RAPGEF5: variants seen among roughly 807,000 people sequenced by gnomAD.
RAPGEF5 encodes the protein M-Ras-regulated GEF.
In RAPGEF5, 65 loss-of-function variants were observed where a neutral mutation model predicts 125.2. The observed-to-expected ratio is 0.52, with a 90% CI of 0.43 to 0.64. The LOEUF (loss-of-function observed/expected upper bound fraction) is 0.64. Among genes scored for constraint, RAPGEF5 ranks in the 30% least tolerant of loss-of-function variants. RAPGEF5 has a pLI of 0.00. For missense variants in RAPGEF5, 958 were observed against 1,048.1 expected, an observed-to-expected ratio of 0.91 and a Z score of 1.19; for synonymous variants, 391 against 385.9, an observed-to-expected ratio of 1.01 and a Z score of -0.16.
chr7:22,311,166 C>T (rs1426146069), intron 3 of RAPGEF5, among the ~76,000 whole-genome samples: 1 of 152,084 alleles, frequency 6.6e-6, no homozygotes. Context: ...GCTAGGAGTA[C>T]AGGTGCTCAC....
At chr7:22,223,246 T>C (rs1583494589) in intron 8 of RAPGEF5, among the ~76,000 whole-genome samples, 1 of 151,678 alleles carries the variant, frequency 6.6e-6, no homozygotes, top group Non-Finnish European at 1.5e-5. Flanking sequence ...ATCTGGAGAG[T>C]AGTGAAGCTG....
At chr7:22,138,240 A>G (rs2128102659) in intron 21 of RAPGEF5, among the ~76,000 whole-genome samples, 1 of 152,306 alleles carries the variant, frequency 6.6e-6, no homozygotes. Flanking sequence ...TCAGCCATGG[A>G]ACAAATCTAG....
At position 22,273,875 on chromosome 7, in the gene RAPGEF5, T is replaced by G. The variant is rs1436115855; in HGVS notation, c.748-6863A>C. Among the ~76,000 whole-genome samples the G allele has an allele frequency of 2.0e-4, 31 of 152,224 alleles. 1 individual carries two copies. ...AATGGACTCCAGAAAGATCAACATC[T>G]GGATTGCATTTGGTTTTGTTAAGGT... On this transcript the variant is annotated intron_variant, in intron 6 of 25. Coordinates refer to ENST00000665637, the MANE Select transcript of RAPGEF5 (RefSeq NM_012294.5).
chr7:22,229,994 C>T (rs928938877), intron 8 of RAPGEF5, among the ~76,000 whole-genome samples: 1 of 152,150 alleles, frequency 6.6e-6, no homozygotes, highest in Non-Finnish European at 1.5e-5. Flanking sequence ...TCTGTGTATC[C>T]TTTTGAGAAA....
chr7:22,238,111 G>A (rs1786238962), intron 7 of RAPGEF5, among the ~76,000 whole-genome samples: 1 of 152,136 alleles, frequency 6.6e-6, no homozygotes. Flanking sequence ...CTCTGGTAGA[G>A]GTCCTGGCAA....
intron 7 of RAPGEF5, among the ~76,000 whole-genome samples, chr7:22,251,796 A>AAAAAAAAAAAC (rs1786629263): frequency 6.6e-6 from 1 of 151,004 alleles, no homozygotes; most frequent in African/African-American, 2.4e-5. Flanking sequence ...AAAAAAAAAA[A>AAAAAAAAAAAC]AAAGTGGAGG....
At chr7:22,198,397 T>A (rs1785201891) in intron 9 of RAPGEF5, among the ~76,000 whole-genome samples, 1 of 152,174 alleles carries the variant, frequency 6.6e-6, no homozygotes, top group African/African-American at 2.4e-5. Context: ...CTGGACAATG[T>A]CAAAGCTAGG....
intron 13 of RAPGEF5, 95 bp from the exon 14 acceptor site, chr7:22,160,710 G>T: frequency 2.9e-6 from 4 of 1,357,294 alleles, no homozygotes; most frequent in Non-Finnish European, 3.8e-6. Flanking sequence ...AGGAAATAAG[G>T]AGGGATTCAG....
chr7:22,301,559 A>G (rs535630498), intron 5 of RAPGEF5, among the ~76,000 whole-genome samples: 25 of 149,928 alleles, frequency 1.7e-4, no homozygotes, highest in East Asian at 1.2e-3. Context: ...AGCTTGCAGT[A>G]AGCCGAGATC....
intron 7 of RAPGEF5, among the ~76,000 whole-genome samples, chr7:22,260,067 A>C (rs1415881446): frequency 6.6e-6 from 1 of 152,174 alleles, no homozygotes; most frequent in Non-Finnish European, 1.5e-5. Context: ...CAGTCTGGGC[A>C]ACAAGAGCAA....
At chr7:22,247,134 T>A (rs1228713251) in intron 7 of RAPGEF5, among the ~76,000 whole-genome samples, 1 of 152,202 alleles carries the variant, frequency 6.6e-6, no homozygotes, top group Non-Finnish European at 1.5e-5. Flanking sequence ...TTGGTGAGAA[T>A]ACAAATTAGT....
chr7:22,189,918 G>A (rs1470817274), intron 11 of RAPGEF5, among the ~76,000 whole-genome samples: 1 of 152,170 alleles, frequency 6.6e-6, no homozygotes, highest in East Asian at 1.9e-4. Context: ...TGCAAATAAA[G>A]ACCCAAATGC....
At chr7:22,288,423 T>C (rs1782848653) in intron 6 of RAPGEF5, among the ~76,000 whole-genome samples, 1 of 151,796 alleles carries the variant, frequency 6.6e-6, no homozygotes, top group Non-Finnish European at 1.5e-5. Context: ...TTCCTAAGAA[T>C]ATCATCATGT....
At chr7:22,273,211 A>ATTTTT (rs71026869) in intron 6 of RAPGEF5, among the ~76,000 whole-genome samples, 7 of 96,594 alleles carry the variant, frequency 7.2e-5, no homozygotes, top group Admixed American at 1.3e-4. Flanking sequence ...ACTTAGGAGT[A>ATTTTT]TTTTTTTTTT....
intron 8 of RAPGEF5, among the ~76,000 whole-genome samples, chr7:22,228,718 T>C (rs1785982729): frequency 6.6e-6 from 1 of 151,454 alleles, no homozygotes; most frequent in Non-Finnish European, 1.5e-5. Context: ...TTTCACCATG[T>C]TGTCCAGGCT....
At chr7:22,187,334 C>T (rs1784855247) in intron 11 of RAPGEF5, among the ~76,000 whole-genome samples, 1 of 152,078 alleles carries the variant, frequency 6.6e-6, no homozygotes. Flanking sequence ...TTATTACTTG[C>T]TCAAAGTCTC....
intron 11 of RAPGEF5, among the ~76,000 whole-genome samples, chr7:22,180,209 A>T (rs1339817156): frequency 1.3e-5 from 2 of 152,212 alleles, no homozygotes; most frequent in African/African-American, 4.8e-5. Context: ...CAAACTTAAC[A>T]TAAGCTTCTA....
In RAPGEF5 at chr7:22,356,872, G is replaced by C. The variant is rs1784431931; in HGVS notation, c.189C>G (p.Ser63Arg). Residue 63 changes from serine (S) to arginine (R), a missense_variant, in exon 1 of 26, where the codon AGC becomes AGG. Ser to Arg is a moderately radical substitution (Grantham distance 110). Coordinates refer to ENST00000665637, the MANE Select transcript of RAPGEF5 (RefSeq NM_012294.5). ...TCCGCTTCCTCCGCAGCGTGAGCCC[G>C]CTCCGCAGCAGCGCGGGCAGGTCCC... ...RLRDLPALLRSGLTLRRKRSA... is the reference protein window; with the variant it reads ...RLRDLPALLRRGLTLRRKRSA... The C allele has an allele frequency of 1.7e-6, 2 of 1,159,976 alleles. No homozygotes were observed. Among genetic ancestry groups the C allele is most frequent in the Non-Finnish European group, 1.1e-6 (1 of 942,240 alleles). The allele number at this position is 1,159,976 out of a possible 1,614,324, so 71.9% of individuals were successfully genotyped here.
intron 7 of RAPGEF5, among the ~76,000 whole-genome samples, chr7:22,238,161 A>C (rs1233898919): frequency 6.6e-6 from 1 of 152,104 alleles, no homozygotes; most frequent in Non-Finnish European, 1.5e-5. Flanking sequence ...GCAGGTTAAT[A>C]ATTTGATACC....
Sources: allele counts gnomAD v4.1 joint callset (sites outside exome capture counted in the v4.1 genomes callset), GRCh38; gene constraint gnomAD v4.1.1; transcripts MANE v1.5; gene names NCBI Gene and HGNC (gene_info 2026-07-23, HGNC 2026-07-21).